Variants in CC2D2A observed in about 807,000 individuals in gnomAD.
CC2D2A encodes coiled-coil and C2 domain containing 2A, also known as coiled-coil and C2 domain-containing protein 2A.
Under a neutral mutation model 212.9 loss-of-function variants are expected in CC2D2A, and 155 were observed. The observed-to-expected ratio is 0.73, with a 90% CI of 0.64 to 0.83. The LOEUF (loss-of-function observed/expected upper bound fraction) is 0.83. CC2D2A is among the 40% of genes least tolerant of loss of function. The pLI is 0.00. For missense variants in CC2D2A, 1,856 were observed against 1,956.2 expected (o/e 0.95, Z 0.97); for synonymous variants, 667 against 686.5 (o/e 0.97, Z 0.44).
intron 4 of CC2D2A, among the ~76,000 whole-genome samples, chr4:15,483,108 G>A (rs1442821660): frequency 6.6e-6 from 1 of 152,228 alleles, no homozygotes; most frequent in Non-Finnish European, 1.5e-5. Flanking sequence ...GGAGTCTGTG[G>A]AGCCAGGCAT....
At chr4:15,485,726 T>C (rs1312731964) in intron 4 of CC2D2A, among the ~76,000 whole-genome samples, 1 of 152,170 alleles carries the variant, frequency 6.6e-6, no homozygotes, top group Non-Finnish European at 1.5e-5. Context: ...ATTAGTGAAT[T>C]TGAGCATTTT....
rs181260724 is a variant in CC2D2A, at chr4:15,567,477, G to A, written c.3283G>A (p.Gly1095Ser). 14 of 1,611,734 alleles carry A rather than the reference G, an allele frequency of 8.7e-6. No homozygotes were observed. The highest frequency in any genetic ancestry group is 8.0e-5 in the African/African-American group (6 of 74,838). The change falls in exon 25 of 37, where the codon GGC (glycine) becomes AGC (serine). Residue 1095 changes from glycine (G) to serine (S), a missense_variant. Gly to Ser is a moderately conservative substitution (Grantham distance 56). Coordinates refer to ENST00000424120, the MANE Select transcript of CC2D2A (RefSeq NM_001378615.1). ...AACCCACAATGCTGACTACCCCCTC[G>A]GCCAGGTGAGAGATGCTGGACTTCA... The part of the protein sequence containing the change: ...SPTHNADYPL[G>S]QVLVRPFVEV...
At chr4:15,587,991 C>A in intron 32 of CC2D2A, 62 bp downstream of exon 32, 2 of 882,938 alleles carry the variant, frequency 2.3e-6, no homozygotes, top group Non-Finnish European at 3.6e-6. Context: ...TTGTGTGTTC[C>A]AGATCACACA....
Position 15,478,733 on chromosome 4 carries a change from A to G in CC2D2A, c.50A>G (p.Glu17Gly). Residue 17 changes from glutamate to glycine, a missense_variant, in exon 3 of 37, where the codon GAA (glutamate) becomes GGA (glycine). Glu to Gly is a moderately conservative substitution (Grantham distance 98, BLOSUM62 -2). Coordinates refer to ENST00000424120, the MANE Select transcript of CC2D2A (RefSeq NM_001378615.1). ...TGCATTTTCACAAAGGAGTTCATTGAAAATGATGAGGATGCAGACATGGGA... is the reference window on the plus strand; with the variant it reads ...TGCATTTTCACAAAGGAGTTCATTGGAAATGATGAGGATGCAGACATGGGA... ...KVKIITEEFI[E>G]NDEDADMGRQ... 6.4e-7 allele frequency: 1 copy of G among 1,553,872 alleles called. No individual in the cohort carries two copies. The highest frequency in any genetic ancestry group is 8.7e-7 in the Non-Finnish European group (1 of 1,148,162).
At chr4:15,511,110 C>T (rs1716545249) in intron 7 of CC2D2A, 137 bp from the exon 8 acceptor site, 1 of 976,308 alleles carries the variant, frequency 1.0e-6, no homozygotes, top group African/African-American at 1.7e-5. Context: ...AGTCTCACAC[C>T]TTTAACTAAG....
At chr4:15,597,169 G>A (rs151245804) in intron 34 of CC2D2A, among the ~76,000 whole-genome samples, 1 of 152,126 alleles carries the variant, frequency 6.6e-6, no homozygotes, top group African/African-American at 2.4e-5. Context: ...GAATGAAGGG[G>A]TGTTAAAACA....
At chr4:15,590,085 TTCTC>T (rs779451331) in intron 33 of CC2D2A, among the ~76,000 whole-genome samples, 12 of 152,320 alleles carry the variant, frequency 7.9e-5, no homozygotes, top group South Asian at 2.1e-4. Flanking sequence ...CTCTGTCTCT[TTCTC>T]TCTTTCTTTT....
At chr4:15,589,727 TA>T (rs1721009486) in intron 33 of CC2D2A, 48 bp downstream of exon 33, 1 of 1,328,722 alleles carries the variant, frequency 7.5e-7, no homozygotes, top group Admixed American at 2.8e-5. Context: ...TCGTTTCTTT[TA>T]AATAACTGAC....
chr4:15,485,042 T>G (rs1220806213), intron 4 of CC2D2A, among the ~76,000 whole-genome samples: 1 of 152,250 alleles, frequency 6.6e-6, no homozygotes. Flanking sequence ...ATCAAGACTT[T>G]GTCTGCTGTA....
In CC2D2A at chr4:15,555,090, T is replaced by A; in HGVS notation, c.2505T>A (p.Asp835Glu). The A allele has an allele frequency of 6.2e-7, 1 of 1,612,776 alleles. No homozygotes were observed. The highest frequency in any genetic ancestry group is 8.5e-7 in the Non-Finnish European group (1 of 1,179,340). The part of the protein sequence containing the change: ...IGFRSALKKA[D>E]AISSIGTSGL... ...TTTTCAGTGCTTTGAAGAAAGCAGA[T>A]GCCATCTCATCTATTGGCACATCAG... Residue 835 changes from aspartate to glutamate, a missense_variant, in exon 20 of 37, where the codon GAT becomes GAA. By Grantham distance (45) the Asp-to-Glu change is conservative. Around this residue, in one of 5 missense-constraint regions of CC2D2A, gnomAD observed 1,512 missense variants for 1,579.3 expected, o/e 0.96. Transcript: ENST00000424120.
rs1441082551 is a variant in CC2D2A, at chr4:15,601,252, C to T, written c.4690C>T (p.Leu1564Phe). 3 of 1,612,590 alleles carry T rather than the reference C, an allele frequency of 1.9e-6. No homozygotes were observed. The highest frequency in any genetic ancestry group is 2.5e-6 in the Non-Finnish European group (3 of 1,179,156). ...LGDYRFSGFPLHMPYSEVKPL... is the reference protein window; with the variant it reads ...LGDYRFSGFPFHMPYSEVKPL... The stretch of plus-strand genomic sequence containing the variant: ...TTCCCTTCAGTTCTCTGGATTTCCT[C>T]TTCACATGCCTTATTCTGAAGTGAA... The change falls in exon 37 of 37, where the codon CTT (leucine) becomes TTT (phenylalanine). Residue 1564 changes from leucine to phenylalanine, a missense_variant. Physicochemically the swap from Leu to Phe is conservative, Grantham distance 22. Transcript: ENST00000424120.
At chr4:15,527,974 A>G (rs1717602478) in intron 12 of CC2D2A, among the ~76,000 whole-genome samples, 1 of 152,230 alleles carries the variant, frequency 6.6e-6, no homozygotes, top group South Asian at 2.1e-4. Flanking sequence ...ACCTGAGAAA[A>G]TTGGTGGCTT....
intron 13 of CC2D2A, 92 bp from the exon 14 acceptor site, chr4:15,533,101 A>G (rs1310425909): frequency 4.8e-6 from 5 of 1,038,862 alleles, no homozygotes; most frequent in Non-Finnish European, 2.7e-6. Context: ...GTAGCTATCA[A>G]ATTGAATATA....
At chr4:15,597,121 G>A (rs1320995384) in intron 34 of CC2D2A, among the ~76,000 whole-genome samples, 1 of 152,070 alleles carries the variant, frequency 6.6e-6, no homozygotes, top group Non-Finnish European at 1.5e-5. Flanking sequence ...TCTCACCTAT[G>A]AAAGTGCCTA....
chr4:15,576,899 G>A (rs536160024), intron 29 of CC2D2A, among the ~76,000 whole-genome samples: 1 of 152,330 alleles, frequency 6.6e-6, no homozygotes, highest in Admixed American at 6.5e-5. Flanking sequence ...TCTACTCTTT[G>A]CAAATCTATA....
intron 6 of CC2D2A, among the ~76,000 whole-genome samples, chr4:15,503,649 A>G (rs1437011389): frequency 1.3e-5 from 2 of 152,112 alleles, no homozygotes; most frequent in Non-Finnish European, 2.9e-5. Context: ...CTTGAATGTC[A>G]CATTCAGGAG....
intron 29 of CC2D2A, 48 bp downstream of exon 29, chr4:15,574,374 A>T: frequency 7.1e-7 from 1 of 1,410,388 alleles, no homozygotes; most frequent in South Asian, 1.4e-5. Flanking sequence ...ATAAAACACA[A>T]GAAATGCTTG....
At chr4:15,498,971 G>A (rs976511267) in intron 4 of CC2D2A, among the ~76,000 whole-genome samples, 2 of 152,174 alleles carry the variant, frequency 1.3e-5, no homozygotes, top group African/African-American at 4.8e-5. Context: ...GTCACAGTCT[G>A]GCTGGAGAGA....
At chr4:15,581,345 T>TAA in intron 30 of CC2D2A, among the ~76,000 whole-genome samples, 1 of 152,312 alleles carries the variant, frequency 6.6e-6, no homozygotes, top group Non-Finnish European at 1.5e-5. Context: ...ATAAAATATC[T>TAA]AATAAGTCAT....
Sources: allele counts gnomAD v4.1 joint callset (sites outside exome capture counted in the v4.1 genomes callset), GRCh38; gene constraint gnomAD v4.1.1; regional missense constraint gnomAD v4.1.1; transcripts MANE v1.5; gene names NCBI Gene and HGNC (gene_info 2026-07-23, HGNC 2026-07-21).